The following CALN1 variants were observed in gnomAD, a reference collection of about 807,000 sequenced individuals.
The protein encoded by CALN1 is calcium-binding protein 8.
A neutral mutation model predicts 30.6 loss-of-function variants in CALN1; 17 were observed. The ratio of observed to expected loss-of-function variants is 0.56; its 90% confidence interval spans 0.38 to 0.83. CALN1 has a LOEUF of 0.83. Ranked by LOEUF, CALN1 falls within the 40% of genes least tolerant of loss-of-function variation. The probability of loss-of-function intolerance (pLI) is 0.00; values close to 1 mark genes in which losing one functional copy is unlikely to be tolerated. For missense variants in CALN1, 291 were observed against 354.9 expected, an observed-to-expected ratio of 0.82 and a Z score of 1.45; for synonymous variants, 156 against 131.4, an observed-to-expected ratio of 1.19 and a Z score of -1.28.
chr7:72,337,297 C>A, intron 2 of CALN1: 1 of 985,186 alleles, frequency 1.0e-6, no homozygotes, highest in Non-Finnish European at 1.2e-6. Context: ...TGGCCGCCTG[C>A]GCCCCAGCTC....
At position 72,285,398 on chromosome 7, in the gene CALN1, C is replaced by T. The variant is rs186217596; in HGVS notation, c.120-6588G>A. 2.3e-3 allele frequency among the ~76,000 whole-genome samples: 354 copies of T among 152,118 alleles called. 1 individual carries two copies. Among genetic ancestry groups the T allele is most frequent in the African/African-American group, 8.3e-3 (346 of 41,476 alleles). On this transcript the variant is annotated intron_variant, in intron 2 of 6. Transcript: ENST00000395275. Reference sequence around the variant, plus strand: ...AGCTGGGATTACAGGCGCCTGCCACCACGTCTGCCTAATTTTTTGTATTTT... The same window carrying T: ...AGCTGGGATTACAGGCGCCTGCCACTACGTCTGCCTAATTTTTTGTATTTT...
intron 2 of CALN1, among the ~76,000 whole-genome samples, chr7:72,384,834 T>TA (rs1276863044): frequency 6.6e-6 from 1 of 152,104 alleles, no homozygotes; most frequent in East Asian, 1.9e-4. Flanking sequence ...TATTAATATT[T>TA]AAAAAGATAC....
At chr7:71,990,337 C>G (rs924753134) in intron 5 of CALN1, among the ~76,000 whole-genome samples, 1 of 152,200 alleles carries the variant, frequency 6.6e-6, no homozygotes, top group African/African-American at 2.4e-5. Context: ...TTGCCCACAC[C>G]TTTCCTGGAA....
At chr7:72,497,892 A>T in the CALN1 span, among the ~76,000 whole-genome samples, 26 of 152,362 alleles carry the variant, frequency 1.7e-4, no homozygotes, top group South Asian at 5.0e-3. Context: ...ACTTTAAGAT[A>T]ATTCATAACT....
intron 3 of CALN1, among the ~76,000 whole-genome samples, chr7:72,117,660 A>C: frequency 6.6e-6 from 1 of 152,108 alleles, no homozygotes; most frequent in Admixed American, 6.6e-5. Flanking sequence ...ACATTGCTTA[A>C]GAATGAGTCA....
the CALN1 span, among the ~76,000 whole-genome samples, chr7:72,500,246 T>C: frequency 1.4e-5 from 2 of 144,554 alleles, no homozygotes; most frequent in Non-Finnish European, 3.0e-5. Context: ...TTTGTGGGTC[T>C]CATGAACTTC....
At chr7:72,029,135 T>C (rs576701196) in intron 4 of CALN1, among the ~76,000 whole-genome samples, 30 of 152,218 alleles carry the variant, frequency 2.0e-4, no homozygotes, top group African/African-American at 7.0e-4. Context: ...TGGTCTTTTT[T>C]TTTCTTTTTG....
intron 5 of CALN1, among the ~76,000 whole-genome samples, chr7:71,941,149 C>A (rs979379918): frequency 6.6e-6 from 1 of 151,978 alleles, no homozygotes; most frequent in Non-Finnish European, 1.5e-5. Flanking sequence ...GAGCTCAAAA[C>A]CAGCCTGGCC....
chr7:72,187,542 C>T (rs148642241), intron 3 of CALN1, among the ~76,000 whole-genome samples: 6 of 152,156 alleles, frequency 3.9e-5, no homozygotes, highest in Middle Eastern at 3.4e-3. Context: ...ATCTAGGTTG[C>T]GTGTTCCTTA....
chr7:72,172,338 T>A (rs1165377778), intron 3 of CALN1, among the ~76,000 whole-genome samples: 1 of 152,214 alleles, frequency 6.6e-6, no homozygotes, highest in Non-Finnish European at 1.5e-5. Context: ...TCAGTCACAT[T>A]CAGACCATTT....
chr7:72,343,276 A>G (rs867967899), intron 2 of CALN1, among the ~76,000 whole-genome samples: 53 of 152,304 alleles, frequency 3.5e-4, no homozygotes, highest in African/African-American at 1.2e-3. Flanking sequence ...GTCAATGGTC[A>G]GCTGGGTGCG....
intron 3 of CALN1, among the ~76,000 whole-genome samples, chr7:72,192,366 T>G (rs1388651267): frequency 6.6e-6 from 1 of 152,128 alleles, no homozygotes; most frequent in African/African-American, 2.4e-5. Flanking sequence ...AACACAGTAA[T>G]ATATTCACAG....
chr7:72,115,195 T>C (rs1033111606), intron 3 of CALN1, among the ~76,000 whole-genome samples: 2 of 145,564 alleles, frequency 1.4e-5, no homozygotes, highest in Non-Finnish European at 3.0e-5. Flanking sequence ...TACAATTATA[T>C]ATATTAATGT....
chr7:71,879,649 A>G (rs1231045113), intron 5 of CALN1, among the ~76,000 whole-genome samples: 2 of 152,208 alleles, frequency 1.3e-5, no homozygotes, highest in African/African-American at 4.8e-5. Context: ...GATACTCTGA[A>G]GAGCTCCAGG....
chr7:72,185,321 A>C (rs1385577094), intron 3 of CALN1, among the ~76,000 whole-genome samples: 1 of 152,150 alleles, frequency 6.6e-6, no homozygotes. Context: ...AGTCTCAAGA[A>C]GAAAGGAAAA....
At chr7:72,447,788 C>T (rs1301257376), upstream of CALN1, among the ~76,000 whole-genome samples, 1 of 151,782 alleles carries the variant, frequency 6.6e-6, no homozygotes, top group African/African-American at 2.4e-5. Context: ...CACACACATG[C>T]CTGCTCGTGT....
intron 3 of CALN1, among the ~76,000 whole-genome samples, chr7:72,246,389 C>T (rs1353200215): frequency 6.6e-6 from 1 of 152,112 alleles, no homozygotes; most frequent in Non-Finnish European, 1.5e-5. Flanking sequence ...GCTCTGCGGT[C>T]TAAGGGACAC....
intron 2 of CALN1, among the ~76,000 whole-genome samples, chr7:72,361,467 C>G (rs1803565246): frequency 6.6e-6 from 1 of 152,188 alleles, no homozygotes. Flanking sequence ...GATGGCACCA[C>G]TGCACTCCAG....
intron 3 of CALN1, among the ~76,000 whole-genome samples, chr7:72,273,077 C>CTACAT (rs2129553605): frequency 6.6e-6 from 1 of 151,728 alleles, no homozygotes; most frequent in South Asian, 2.1e-4. Flanking sequence ...GAGCCATGGG[C>CTACAT]TACATGAATG....
Sources: gnomAD v4.1 joint callset for allele counts (sites outside exome capture counted in the v4.1 genomes callset) on GRCh38, gnomAD v4.1.1 for gene constraint, MANE v1.5 for transcripts, NCBI Gene and HGNC (gene_info 2026-07-23, HGNC 2026-07-21) for gene names.